The following UBE2QL1 variants were observed in gnomAD, a reference collection of about 807,000 sequenced individuals.
The protein encoded by UBE2QL1 is ubiquitin-conjugating enzyme E2Q-like protein 1.
A neutral mutation model predicts 12.6 loss-of-function variants in UBE2QL1; 5 were observed. The ratio of observed to expected loss-of-function variants is 0.40; its 90% CI spans 0.21 to 0.83. UBE2QL1 has a LOEUF of 0.83. Ranked by LOEUF, UBE2QL1 falls within the 40% of genes least tolerant of loss-of-function variation. The pLI is 0.37. For synonymous variants in UBE2QL1, 96 were observed against 94.5 expected, an observed-to-expected ratio of 1.02 and a Z score of -0.10; for missense variants, 99 against 222.6, an observed-to-expected ratio of 0.44 and a Z score of 3.53.
chr5:6,479,562 T>C lies in UBE2QL1; in HGVS notation c.355-11656T>C, dbSNP rs1734316894. On this transcript the variant is annotated intron_variant, in intron 1 of 1. Coordinates refer to ENST00000399816, the MANE Select transcript of UBE2QL1 (RefSeq NM_001145161.3). This position sits in a 1 kb window ranked among gnomAD's most constrained non-coding sequence, Gnocchi z 4.2. Reference sequence around the variant, plus strand: ...TGATGTCTGTATCCTCCGGTGAGTCTGTCCATCATAAAAAGGGCAGAGGCT... The same window carrying C: ...TGATGTCTGTATCCTCCGGTGAGTCCGTCCATCATAAAAAGGGCAGAGGCT... 6.6e-6 allele frequency among the ~76,000 whole-genome samples: 1 copy of C among 152,190 alleles called. No individual in the cohort carries two copies. Among genetic ancestry groups the C allele is most frequent in the Non-Finnish European group, 1.5e-5 (1 of 68,038 alleles).
rs1295244235 is a variant in UBE2QL1, at chr5:6,481,653, G to A, written c.355-9565G>A. ...TCCTCCTGGGTCAGAAGCCTGGAGT[G>A]GCTCGGGCCTCCCACTGATCCTTCC... is the stretch of plus-strand genomic sequence containing the variant. On this transcript the variant is annotated intron_variant, in intron 1 of 1. Coordinates refer to ENST00000399816, the MANE Select transcript of UBE2QL1 (RefSeq NM_001145161.3). This position sits in a 1 kb window ranked among gnomAD's most constrained non-coding sequence, Gnocchi z 4.5. Among the ~76,000 whole-genome samples, 1 of 152,208 alleles carries A rather than the reference G, an allele frequency of 6.6e-6. No individual in the cohort carries two copies. Among genetic ancestry groups the A allele is most frequent in the Non-Finnish European group, 1.5e-5 (1 of 68,036 alleles).
At chr5:6,473,928 C>T (rs973513704) in intron 1 of UBE2QL1, among the ~76,000 whole-genome samples, 2 of 152,148 alleles carry the variant, frequency 1.3e-5, no homozygotes, top group Non-Finnish European at 2.9e-5. Flanking sequence ...AGGAAAAGGG[C>T]AGTTTTGATG....
rs79929888 is a variant in UBE2QL1 at position 6,458,992 on chromosome 5, G to A, written c.354+9745G>A. 2.3e-3 allele frequency among the ~76,000 whole-genome samples: 352 copies of A among 152,020 alleles called. 2 individuals carry two copies. The highest frequency in any genetic ancestry group is 8.2e-3 in the African/African-American group (341 of 41,500). ...GGAGCCTTCCTCCTCCAGGTTGGGT[G>A]GGAGAGAAGAGCACAGCAAAGCCAG... On this transcript the variant is annotated intron_variant, in intron 1 of 1. Transcript: ENST00000399816.
intron 1 of UBE2QL1, among the ~76,000 whole-genome samples, chr5:6,482,845 A>G (rs1184050856): frequency 6.6e-6 from 1 of 152,196 alleles, no homozygotes; most frequent in Non-Finnish European, 1.5e-5. Flanking sequence ...GGAGCGCCCA[A>G]GCTGGGGATG....
chr5:6,456,877 G>A (rs10076316), intron 1 of UBE2QL1, among the ~76,000 whole-genome samples: 30,712 of 151,796 alleles, frequency 0.2, 3,350 homozygotes, highest in East Asian at 0.44. Context: ...TACCTGGCCA[G>A]CAGGGCTGGG....
Position 6,448,930 on chromosome 5 carries a change from C to G in UBE2QL1, c.37C>G (p.Arg13Gly). 6.5e-7 allele frequency: 1 copy of G among 1,543,144 alleles called. No individual in the cohort carries two copies. The highest frequency in any genetic ancestry group is 8.7e-7 in the Non-Finnish European group (1 of 1,143,490). The change falls in exon 1 of 2, where the codon CGC becomes GGC. Residue 13 changes from arginine to glycine, a missense_variant. Coordinates refer to ENST00000399816, the MANE Select transcript of UBE2QL1 (RefSeq NM_001145161.3). ...ELQDIARLSD[R>G]FISVELVDES... ...GCAGGACATCGCGCGCCTTAGCGACCGCTTCATCTCCGTGGAGCTGGTGGA... is the reference window on the plus strand; with the variant it reads ...GCAGGACATCGCGCGCCTTAGCGACGGCTTCATCTCCGTGGAGCTGGTGGA...
At position 6,493,068 on chromosome 5, in the gene UBE2QL1, A is replaced by G. The variant is rs1381491504; in HGVS notation, c.*1719A>G. ...TTCTTATTTGCCCCCAAGTGCACACAGGCAGCTCTGCCAGACCAAAATGAC... is the reference window on the plus strand; with the variant it reads ...TTCTTATTTGCCCCCAAGTGCACACGGGCAGCTCTGCCAGACCAAAATGAC... On this transcript the variant is annotated 3_prime_UTR_variant, in exon 2 of 2. Coordinates refer to ENST00000399816, the MANE Select transcript of UBE2QL1 (RefSeq NM_001145161.3). The G allele has an allele frequency of 2.0e-5, 3 of 152,256 alleles. No individual in the cohort carries two copies. The highest frequency in any genetic ancestry group is 7.2e-5 in the African/African-American group (3 of 41,458). 9.4% of individuals were successfully genotyped at this position (152,256 alleles called of 1,614,324 possible).
chr5:6,474,486 A>C (rs998200876), intron 1 of UBE2QL1, among the ~76,000 whole-genome samples: 2 of 152,190 alleles, frequency 1.3e-5, no homozygotes, highest in African/African-American at 4.8e-5. Flanking sequence ...TCCTGCCTCT[A>C]CTTCCACAGA....
Position 6,463,688 on chromosome 5 carries a change from C to T in UBE2QL1, c.354+14441C>T, listed in dbSNP as rs544491482. ...TGTCGCCCAGGCTGGAGTGCAGTGG[C>T]GCGATCTCGGCTCACTGCAAGCTCC... On this transcript the variant is annotated intron_variant, in intron 1 of 1. Coordinates refer to ENST00000399816, the MANE Select transcript of UBE2QL1 (RefSeq NM_001145161.3). Among the ~76,000 whole-genome samples the T allele has an allele frequency of 3.3e-5, 5 of 150,104 alleles. No individual in the cohort carries two copies. The South Asian group carries it at 6.3e-4, about 19-fold the overall frequency.
intron 1 of UBE2QL1, among the ~76,000 whole-genome samples, chr5:6,457,989 T>C (rs1420753692): frequency 2.0e-5 from 3 of 152,238 alleles, no homozygotes; most frequent in African/African-American, 7.2e-5. Context: ...CATAAGCTCC[T>C]TGTATTGATT....
At chr5:6,459,274 G>A (rs530338306) in intron 1 of UBE2QL1, among the ~76,000 whole-genome samples, 2 of 152,260 alleles carry the variant, frequency 1.3e-5, no homozygotes, top group East Asian at 3.9e-4. Context: ...ATTACCGTAA[G>A]TCACAAATAA....
chr5:6,462,868 G>A (rs111919847), intron 1 of UBE2QL1, among the ~76,000 whole-genome samples: 2 of 152,328 alleles, frequency 1.3e-5, no homozygotes, highest in African/African-American at 2.4e-5. Flanking sequence ...TGAACCAAGC[G>A]TGAAAGGCTG....
In UBE2QL1 at chr5:6,481,036, A is replaced by G. The variant is rs574181545; in HGVS notation, c.355-10182A>G. Among the ~76,000 whole-genome samples the G allele has an allele frequency of 1.3e-5, 2 of 152,306 alleles. No individual in the cohort carries two copies. The highest frequency in any genetic ancestry group is 6.5e-5 in the Admixed American group (1 of 15,300). ...TAAAGAGTGCTAAAAAATAAGGTCA[A>G]TAGGAGTTTTTAAGGTTTTGATAGT... On this transcript the variant is annotated intron_variant, in intron 1 of 1. Coordinates refer to ENST00000399816, the MANE Select transcript of UBE2QL1 (RefSeq NM_001145161.3). The surrounding 1 kb of genome is among the most constrained non-coding windows in gnomAD (Gnocchi z 4.5).
chr5:6,486,343 C>A (rs1297102451), intron 1 of UBE2QL1, among the ~76,000 whole-genome samples: 4 of 151,198 alleles, frequency 2.6e-5, no homozygotes, highest in Non-Finnish European at 5.9e-5. Context: ...CACACACAAA[C>A]ACACACACAC....
Position 6,479,358 on chromosome 5 carries a change from T to C in UBE2QL1, c.355-11860T>C, listed in dbSNP as rs1734313439. ...TTGTGATCTAAGAGGTCAAGTTGGG[T>C]AGGAGAACACCATTGTTTCTTGCAG... is the stretch of plus-strand genomic sequence containing the variant. On this transcript the variant is annotated intron_variant, in intron 1 of 1. Transcript: ENST00000399816. The surrounding 1 kb of genome is among the most constrained non-coding windows in gnomAD (Gnocchi z 4.2). Among the ~76,000 whole-genome samples the C allele has an allele frequency of 1.3e-5, 2 of 151,982 alleles. No homozygotes were observed. The highest frequency in any genetic ancestry group is 6.5e-5 in the Admixed American group (1 of 15,268).
chr5:6,486,446 G>A (rs1339153076), intron 1 of UBE2QL1, among the ~76,000 whole-genome samples: 2 of 151,984 alleles, frequency 1.3e-5, no homozygotes, highest in African/African-American at 4.8e-5. Context: ...TCCCACCACA[G>A]CCTGGTAAAC....
chr5:6,470,497 C>T (rs1053842995), intron 1 of UBE2QL1, among the ~76,000 whole-genome samples: 7 of 152,106 alleles, frequency 4.6e-5, no homozygotes, highest in African/African-American at 1.4e-4. Context: ...TTTCTGCACC[C>T]GTGAACACAC....
rs944275230 is a variant in UBE2QL1 at position 6,481,789 on chromosome 5, G to A, written c.355-9429G>A. 6.6e-6 allele frequency among the ~76,000 whole-genome samples: 1 copy of A among 152,114 alleles called. No homozygotes were observed. The highest frequency in any genetic ancestry group is 2.4e-5 in the African/African-American group (1 of 41,424). ...CCTAACTGGACAACACCCCAAAACT[G>A]ACCGCCATACCACCTCCCAAATGAC... is the stretch of plus-strand genomic sequence containing the variant. On this transcript the variant is annotated intron_variant, in intron 1 of 1. Transcript: ENST00000399816. The surrounding 1 kb of genome is among the most constrained non-coding windows in gnomAD (Gnocchi z 4.5).
Position 6,482,622 on chromosome 5 carries a change from C to T in UBE2QL1, c.355-8596C>T, listed in dbSNP as rs774962730. Among the ~76,000 whole-genome samples, 19 of 151,828 alleles carry T rather than the reference C, an allele frequency of 1.3e-4. 1 individual carries two copies. Among genetic ancestry groups the T allele is most frequent in the Middle Eastern group, 3.4e-3 (1 of 294 alleles). On this transcript the variant is annotated intron_variant, in intron 1 of 1. Transcript: ENST00000399816. ...ACGGCTTCTCCACAGGGCTATTCAG[C>T]CCCCTAGGGAGTGCTTGGCAATAGG... is the stretch of plus-strand genomic sequence containing the variant.
Sources: gnomAD v4.1 joint callset for allele counts (sites outside exome capture counted in the v4.1 genomes callset) on GRCh38, gnomAD v4.1.1 for gene constraint, Gnocchi (gnomAD v3.1) non-coding constraint, MANE v1.5 for transcripts, NCBI Gene and HGNC (gene_info 2026-07-23, HGNC 2026-07-21) for gene names.